Variants in TRIM5 observed in about 807,000 individuals in gnomAD.
TRIM5 encodes tripartite motif-containing protein 5.
TRIM5 carries 31 observed loss-of-function variants against 35.6 expected under a neutral mutation model. The observed-to-expected ratio is 0.87, with a 90% CI of 0.65 to 1.18. TRIM5 has a LOEUF of 1.18. TRIM5 is among the 50% of genes most tolerant of loss of function. TRIM5 has a pLI of 0.00. For missense variants in TRIM5, 609 were observed against 591.6 expected (o/e 1.03, Z -0.31); for synonymous variants, 243 against 215.6 (o/e 1.13, Z -1.11).
the TRIM5 span, chr11:5,632,524 T>C: frequency 7.4e-6 from 12 of 1,613,808 alleles, no homozygotes; most frequent in African/African-American, 1.3e-4. Flanking sequence ...CAGTTACTCA[T>C]TTGAACATCT....
At position 5,664,225 on chromosome 11, in the gene TRIM5, A is replaced by G. The variant is rs1419264185; in HGVS notation, c.*584T>C. ...TCAAAAAAAAAAAAAAAGAAAAAAG[A>G]AAAGAAAAGGAAATAAGCACAGCCA... On this transcript the variant is annotated 3_prime_UTR_variant, in exon 8 of 8. Coordinates refer to ENST00000380034, the MANE Select transcript of TRIM5 (RefSeq NM_033034.3). 2 of 980,668 alleles carry G rather than the reference A, an allele frequency of 2.0e-6. No homozygotes were observed. The highest frequency in any genetic ancestry group is 3.5e-5 in the African/African-American group (2 of 57,082). 60.7% of individuals were successfully genotyped at this position (980,668 alleles called of 1,614,324 possible).
chr11:5,655,894 G>C, the TRIM5 span, among the ~76,000 whole-genome samples: 1 of 152,300 alleles, frequency 6.6e-6, no homozygotes, highest in African/African-American at 2.4e-5. Context: ...CCTGACAAAA[G>C]CAATGGGGAA....
the TRIM5 span, chr11:5,595,378 G>A: frequency 6.6e-6 from 1 of 152,132 alleles, no homozygotes; most frequent in Non-Finnish European, 1.5e-5. Context: ...TTGTCTTCTA[G>A]TTATATAGGT....
At chr11:5,613,909 C>G in the TRIM5 span, among the ~76,000 whole-genome samples, 1 of 6,124 alleles carries the variant, frequency 1.6e-4, no homozygotes, top group Non-Finnish European at 3.2e-4. Context: ...ATATTTACTT[C>G]TTTATAAGTA....
At chr11:5,681,221 C>T (rs1179596207) in intron 1 of TRIM5, among the ~76,000 whole-genome samples, 1 of 152,158 alleles carries the variant, frequency 6.6e-6, no homozygotes, top group Non-Finnish European at 1.5e-5. Context: ...TGAGATGATT[C>T]TGTTCCCGGA....
At chr11:5,606,262 G>T in the TRIM5 span, among the ~76,000 whole-genome samples, 2 of 152,158 alleles carry the variant, frequency 1.3e-5, no homozygotes, top group Non-Finnish European at 2.9e-5. Context: ...ACTGGTTTTG[G>T]GGGTCTGGGC....
At chr11:5,677,645 C>T (rs1852094830) in intron 4 of TRIM5, among the ~76,000 whole-genome samples, 1 of 152,082 alleles carries the variant, frequency 6.6e-6, no homozygotes, top group Admixed American at 6.5e-5. Context: ...ATGACTGGCC[C>T]GCCTGGGCCT....
the TRIM5 span, among the ~76,000 whole-genome samples, chr11:5,601,665 C>T: frequency 2.6e-5 from 4 of 151,872 alleles, no homozygotes; most frequent in Admixed American, 6.6e-5. Flanking sequence ...GGCTGAGGCA[C>T]GAGAATCGCT....
At chr11:5,614,918 A>G in the TRIM5 span, among the ~76,000 whole-genome samples, 1 of 152,210 alleles carries the variant, frequency 6.6e-6, no homozygotes. Flanking sequence ...TTTTTTGTAT[A>G]TATAGCACTT....
chr11:5,595,589 T>C, the TRIM5 span, among the ~76,000 whole-genome samples: 2 of 152,206 alleles, frequency 1.3e-5, no homozygotes. Flanking sequence ...AACTCTGATA[T>C]GATATTAGAA....
chr11:5,659,779 T>G (rs1420438843), downstream of TRIM5, among the ~76,000 whole-genome samples: 1 of 152,088 alleles, frequency 6.6e-6, no homozygotes, highest in Non-Finnish European at 1.5e-5. Context: ...GTAGTTAATT[T>G]GATTGAAATT....
Position 5,664,168 on chromosome 11 carries a change from T to C in TRIM5, c.*641A>G. 1.2e-6 allele frequency: 1 copy of C among 850,440 alleles called. No homozygotes were observed. The highest frequency in any genetic ancestry group is 1.4e-6 in the Non-Finnish European group (1 of 721,710). 52.7% of individuals were successfully genotyped at this position (850,440 alleles called of 1,614,324 possible). A position where few individuals can be genotyped will look rare whatever the true frequency, so the allele number is the denominator to read the frequency against. On this transcript the variant is annotated 3_prime_UTR_variant, in exon 8 of 8. Transcript: ENST00000380034. ...GTGAACCGAGATCGTGCCATTGCAC[T>C]CCAGCCTGGGGAACAAGAGCAAAAC...
At chr11:5,608,309 G>C in the TRIM5 span, 2 of 1,605,676 alleles carry the variant, frequency 1.2e-6, no homozygotes, top group Non-Finnish European at 1.7e-6. Context: ...GACATGGAAG[G>C]AGAAATGTGG....
Position 5,679,563 on chromosome 11 carries a change from T to C in TRIM5, c.417+198A>G, listed in dbSNP as rs189004968. Among the ~76,000 whole-genome samples the C allele has an allele frequency of 6.0e-3, 917 of 152,224 alleles. 5 individuals carry two copies. Among genetic ancestry groups the C allele is most frequent in the Non-Finnish European group, 0.011 (724 of 68,014 alleles). On this transcript the variant is annotated intron_variant, in intron 2 of 7. Transcript: ENST00000380034. ...ATATTTACTCCCGGCCAGGAATATA[T>C]ACTCTAGGATTATTCTCCTGTAATT...
chr11:5,609,133 G>A, the TRIM5 span, among the ~76,000 whole-genome samples: 3 of 152,024 alleles, frequency 2.0e-5, no homozygotes, highest in Non-Finnish European at 4.4e-5. Flanking sequence ...AATCAAACAT[G>A]TTCTCTATCA....
chr11:5,627,981 C>T, the TRIM5 span, among the ~76,000 whole-genome samples: 1 of 152,208 alleles, frequency 6.6e-6, no homozygotes, highest in African/African-American at 2.4e-5. Context: ...GGTATAATCA[C>T]CTGGCAGCTA....
the TRIM5 span, among the ~76,000 whole-genome samples, chr11:5,620,189 T>C: frequency 8.5e-6 from 1 of 118,012 alleles, no homozygotes; most frequent in Non-Finnish European, 1.8e-5. Context: ...TTTTTTTTTT[T>C]TTTGTTGAGA....
the TRIM5 span, among the ~76,000 whole-genome samples, chr11:5,625,678 C>A: frequency 1.1e-3 from 165 of 151,054 alleles, no homozygotes; most frequent in African/African-American, 3.7e-3. Context: ...GACTGCCGCA[C>A]ACCGCTCTGT....
At chr11:5,591,742 T>C in the TRIM5 span, among the ~76,000 whole-genome samples, 1 of 151,982 alleles carries the variant, frequency 6.6e-6, no homozygotes, top group Admixed American at 6.6e-5. Context: ...TGCCATGGGG[T>C]GATGCAAGGG....
Sources: allele counts gnomAD v4.1 joint callset (sites outside exome capture counted in the v4.1 genomes callset), GRCh38; gene constraint gnomAD v4.1.1; transcripts MANE v1.5; gene names NCBI Gene and HGNC (gene_info 2026-07-23, HGNC 2026-07-21).